Variants in PARD3B observed in about 807,000 individuals in gnomAD.
The protein encoded by PARD3B is partitioning defective 3 homolog B.
A neutral mutation model predicts 130.2 loss-of-function variants in PARD3B; 103 were observed. The observed-to-expected ratio is 0.79, with a 90% CI of 0.67 to 0.93. PARD3B has a LOEUF of 0.93. PARD3B is among the 40% of genes least tolerant of loss of function. PARD3B has a pLI of 0.00. For missense variants in PARD3B, 1,609 were observed against 1,499.2 expected (o/e 1.07, Z -1.21); for synonymous variants, 583 against 553.2 (o/e 1.05, Z -0.76).
intron 3 of PARD3B, among the ~76,000 whole-genome samples, chr2:205,013,771 G>A (rs1471612689): frequency 6.6e-6 from 1 of 152,192 alleles, no homozygotes; most frequent in Admixed American, 6.5e-5. Context: ...CATTTTAAAT[G>A]AGCAACTGTG....
chr2:205,099,397 T>C (rs1702599879), intron 4 of PARD3B, among the ~76,000 whole-genome samples: 1 of 152,208 alleles, frequency 6.6e-6, no homozygotes, highest in South Asian at 2.1e-4. Context: ...CAGGGTTATT[T>C]TTCTACCTTT....
chr2:204,840,909 A>G (rs1454303773), intron 2 of PARD3B, among the ~76,000 whole-genome samples: 1 of 152,204 alleles, frequency 6.6e-6, no homozygotes, highest in African/African-American at 2.4e-5. Flanking sequence ...AAGTATAGGA[A>G]AAAACATAGT....
intron 2 of PARD3B, among the ~76,000 whole-genome samples, chr2:204,860,875 G>T (rs2045155010): frequency 1.3e-5 from 2 of 152,168 alleles, no homozygotes; most frequent in Non-Finnish European, 1.5e-5. Flanking sequence ...GGCTTCATAT[G>T]TGCAGATTAG....
At position 204,545,931 on chromosome 2, in the gene PARD3B, G is replaced by A; in HGVS notation, c.-69G>A. The A allele has an allele frequency of 6.9e-7, 1 of 1,448,084 alleles. No individual in the cohort carries two copies. The highest frequency in any genetic ancestry group is 9.1e-7 in the Non-Finnish European group (1 of 1,102,750). 89.7% of individuals were successfully genotyped at this position (1,448,084 alleles called of 1,614,324 possible). The stretch of plus-strand genomic sequence containing the variant: ...CCCACCCGCCCCGGGCGTCCTCCGA[G>A]AGTGGGGGCTGCGCCCGCGGGGTCA... On this transcript the variant is annotated 5_prime_UTR_variant, in exon 1 of 23. Coordinates refer to ENST00000406610, the MANE Select transcript of PARD3B (RefSeq NM_001302769.2).
chr2:205,579,950 A>AT (rs1276266043), intron 22 of PARD3B, among the ~76,000 whole-genome samples: 3 of 152,004 alleles, frequency 2.0e-5, no homozygotes, highest in Non-Finnish European at 2.9e-5. Flanking sequence ...TTTAAACTTG[A>AT]TTTTTTCTCA....
intron 21 of PARD3B, among the ~76,000 whole-genome samples, chr2:205,527,379 C>T (rs893639303): frequency 3.9e-5 from 6 of 151,980 alleles, no homozygotes; most frequent in African/African-American, 1.5e-4. Flanking sequence ...TATAAAAATT[C>T]TGTGGTACGT....
chr2:205,219,533 A>G (rs1255116174), intron 15 of PARD3B, among the ~76,000 whole-genome samples: 1 of 152,232 alleles, frequency 6.6e-6, no homozygotes, highest in African/African-American at 2.4e-5. Context: ...AAATATAGAC[A>G]GTATTATGTA....
chr2:205,062,133 T>C lies in PARD3B; in HGVS notation c.504+14443T>C, dbSNP rs374800297. 6.6e-5 allele frequency among the ~76,000 whole-genome samples: 10 copies of C among 152,178 alleles called. No homozygotes were observed. In the East Asian group the frequency reaches 1.2e-3, roughly 18 times the overall value. Reference sequence around the variant, plus strand: ...ATCTTCTCATTCATTAAGACAAGGTTAAAATACCACCTCCTTTTTCTATCC... The same window carrying C: ...ATCTTCTCATTCATTAAGACAAGGTCAAAATACCACCTCCTTTTTCTATCC... On this transcript the variant is annotated intron_variant, in intron 4 of 22. Coordinates refer to ENST00000406610, the MANE Select transcript of PARD3B (RefSeq NM_001302769.2).
intron 13 of PARD3B, among the ~76,000 whole-genome samples, chr2:205,185,123 A>G (rs1414416668): frequency 6.6e-6 from 1 of 152,220 alleles, no homozygotes; most frequent in Non-Finnish European, 1.5e-5. Flanking sequence ...TTCTTATAGT[A>G]CAGAACAAAC....
At chr2:205,289,872 T>G (rs1447386366) in intron 16 of PARD3B, among the ~76,000 whole-genome samples, 1 of 151,736 alleles carries the variant, frequency 6.6e-6, no homozygotes, top group Non-Finnish European at 1.5e-5. Flanking sequence ...CTGCAGAGAG[T>G]CCCCACCAGC....
At chr2:204,881,557 G>A (rs1156568418) in intron 2 of PARD3B, among the ~76,000 whole-genome samples, 1 of 151,928 alleles carries the variant, frequency 6.6e-6, no homozygotes, top group East Asian at 1.9e-4. Flanking sequence ...GGGAAAATTA[G>A]TTGTTTTGAG....
intron 2 of PARD3B, among the ~76,000 whole-genome samples, chr2:204,813,580 A>T (rs1399937976): frequency 1.3e-5 from 2 of 152,116 alleles, no homozygotes; most frequent in African/African-American, 4.8e-5. Flanking sequence ...TGTCTAAGAA[A>T]CTTTTGCCTA....
intron 2 of PARD3B, among the ~76,000 whole-genome samples, chr2:204,740,674 T>C (rs2039970841): frequency 6.6e-6 from 1 of 152,170 alleles, no homozygotes; most frequent in African/African-American, 2.4e-5. Context: ...ACTAAAAGGC[T>C]GAGCTCAGCT....
chr2:205,139,050 T>C (rs1414647975), intron 10 of PARD3B, among the ~76,000 whole-genome samples: 3 of 152,164 alleles, frequency 2.0e-5, no homozygotes. Flanking sequence ...TATTCTCCCA[T>C]AGAACATGGT....
chr2:205,535,343 T>G (rs2051801072), intron 21 of PARD3B, among the ~76,000 whole-genome samples: 1 of 152,160 alleles, frequency 6.6e-6, no homozygotes, highest in Admixed American at 6.6e-5. Context: ...AGACTCTTTA[T>G]TTGGTTCCTT....
intron 1 of PARD3B, among the ~76,000 whole-genome samples, chr2:204,658,465 G>C (rs930234269): frequency 6.6e-6 from 1 of 152,142 alleles, no homozygotes; most frequent in Non-Finnish European, 1.5e-5. Context: ...CTGAACTAAA[G>C]ATCCTAGGAA....
chr2:204,724,086 T>C (rs2039115670), intron 2 of PARD3B, among the ~76,000 whole-genome samples: 1 of 152,194 alleles, frequency 6.6e-6, no homozygotes, highest in African/African-American at 2.4e-5. Context: ...AAATTCCATA[T>C]GCACAGCTTT....
intron 15 of PARD3B, among the ~76,000 whole-genome samples, chr2:205,215,964 AT>A (rs1370433728): frequency 5.3e-5 from 8 of 152,066 alleles, no homozygotes; most frequent in Non-Finnish European, 1.2e-4. Context: ...TAATGGTAAA[AT>A]GCCAGTTAAA....
chr2:204,896,272 A>G (rs2125697427), intron 2 of PARD3B, among the ~76,000 whole-genome samples: 1 of 152,332 alleles, frequency 6.6e-6, no homozygotes, highest in Non-Finnish European at 1.5e-5. Context: ...GGCTTTTTGC[A>G]TTGAATCAAT....
Sources: gnomAD v4.1 joint callset for allele counts (sites outside exome capture counted in the v4.1 genomes callset) on GRCh38, gnomAD v4.1.1 for gene constraint, MANE v1.5 for transcripts, NCBI Gene and HGNC (gene_info 2026-07-23, HGNC 2026-07-21) for gene names.